The following TAS2R1 variants were observed in gnomAD, a reference collection of about 807,000 sequenced individuals.
The protein encoded by TAS2R1 is taste 2 receptor member 1, also known as taste receptor type 2 member 1.
For missense variants in TAS2R1, 370 were observed against 353.4 expected, an observed-to-expected ratio of 1.05 and a Z score of -0.38; for synonymous variants, 141 against 134.2, an observed-to-expected ratio of 1.05 and a Z score of -0.35.
At chr5:9,758,527 T>A in the TAS2R1 span, among the ~76,000 whole-genome samples, 2 of 152,260 alleles carry the variant, frequency 1.3e-5, no homozygotes, top group South Asian at 4.1e-4. Flanking sequence ...AAGAACTGTG[T>A]CTCTCACCCA....
chr5:9,633,086 G>C (rs1739897499), upstream of TAS2R1, among the ~76,000 whole-genome samples: 1 of 151,622 alleles, frequency 6.6e-6, no homozygotes, highest in Non-Finnish European at 1.5e-5. Flanking sequence ...GTTGTAAAAT[G>C]AATGTTGTAT....
chr5:9,813,846 G>A, the TAS2R1 span, among the ~76,000 whole-genome samples: 6 of 152,058 alleles, frequency 3.9e-5, no homozygotes, highest in African/African-American at 1.4e-4. Context: ...CTCCAGATTG[G>A]CTGGTCTCAT....
chr5:9,811,399 A>T, the TAS2R1 span, among the ~76,000 whole-genome samples: 1 of 152,278 alleles, frequency 6.6e-6, no homozygotes, highest in East Asian at 1.9e-4. Context: ...CCATACCCAT[A>T]AGCCTAAAGA....
At chr5:9,779,797 G>A in the TAS2R1 span, among the ~76,000 whole-genome samples, 2 of 152,166 alleles carry the variant, frequency 1.3e-5, no homozygotes, top group Admixed American at 1.3e-4. Flanking sequence ...AGTATATATT[G>A]CTGGGAAACA....
At chr5:9,830,593 ACACGTGCGCGCG>A in the TAS2R1 span, among the ~76,000 whole-genome samples, 1 of 114,506 alleles carries the variant, frequency 8.7e-6, no homozygotes, top group African/African-American at 3.1e-5. Flanking sequence ...AGGTAGATAG[ACACGTGCGCGCG>A]CACACACACA....
intron 2 of TAS2R1, among the ~76,000 whole-genome samples, chr5:9,644,218 T>C (rs371289034): frequency 1.3e-5 from 2 of 152,064 alleles, no homozygotes; most frequent in East Asian, 1.9e-4. Flanking sequence ...AAGAAAGGCA[T>C]TTACTCTGGA....
chr5:9,731,449 A>AGT, the TAS2R1 span, among the ~76,000 whole-genome samples: 1 of 147,764 alleles, frequency 6.8e-6, no homozygotes, highest in Non-Finnish European at 1.5e-5. Context: ...GGCCCCCTGG[A>AGT]GTCTGCCCCC....
At chr5:9,635,309 G>A (rs890977561), upstream of TAS2R1, among the ~76,000 whole-genome samples, 1 of 152,116 alleles carries the variant, frequency 6.6e-6, no homozygotes, top group Non-Finnish European at 1.5e-5. Flanking sequence ...CTTGATCATG[G>A]TGGATTATGT....
chr5:9,782,403 A>C, the TAS2R1 span, among the ~76,000 whole-genome samples: 1 of 151,040 alleles, frequency 6.6e-6, no homozygotes, highest in African/African-American at 2.4e-5. Flanking sequence ...TTTCCCCTTC[A>C]AAACCTGATG....
At chr5:9,847,585 A>G in the TAS2R1 span, among the ~76,000 whole-genome samples, 1 of 152,062 alleles carries the variant, frequency 6.6e-6, no homozygotes, top group Non-Finnish European at 1.5e-5. Flanking sequence ...ACAAAAATAT[A>G]CTCTCACCAG....
At chr5:9,776,164 G>A in the TAS2R1 span, among the ~76,000 whole-genome samples, 2 of 152,184 alleles carry the variant, frequency 1.3e-5, no homozygotes, top group Admixed American at 6.5e-5. Flanking sequence ...TGGTCTAACT[G>A]CTCCCTCTGT....
At chr5:9,822,586 T>C in the TAS2R1 span, among the ~76,000 whole-genome samples, 6 of 152,100 alleles carry the variant, frequency 3.9e-5, no homozygotes, top group Admixed American at 2.6e-4. Flanking sequence ...TCTGACCTCG[T>C]GATCCGCCCG....
chr5:9,667,893 G>A (rs190005786), intron 1 of TAS2R1, among the ~76,000 whole-genome samples: 5 of 152,238 alleles, frequency 3.3e-5, no homozygotes, highest in East Asian at 1.9e-4. Flanking sequence ...CCAAACAACC[G>A]CACTAGTTCC....
At chr5:9,722,852 C>A in the TAS2R1 span, among the ~76,000 whole-genome samples, 1 of 152,202 alleles carries the variant, frequency 6.6e-6, no homozygotes, top group Non-Finnish European at 1.5e-5. Context: ...CCAGATGAAG[C>A]CCTAGACGGC....
intron 2 of TAS2R1, among the ~76,000 whole-genome samples, chr5:9,648,874 GCT>G (rs1360530442): frequency 1.3e-5 from 2 of 152,096 alleles, no homozygotes; most frequent in Non-Finnish European, 2.9e-5. Context: ...CCTTCGAGAA[GCT>G]CTGTCTCCAA....
At chr5:9,742,039 G>A in the TAS2R1 span, among the ~76,000 whole-genome samples, 4 of 151,946 alleles carry the variant, frequency 2.6e-5, no homozygotes, top group Non-Finnish European at 5.9e-5. Context: ...GGGATTACAC[G>A]CATGCACCAC....
the TAS2R1 span, among the ~76,000 whole-genome samples, chr5:9,843,210 G>A: frequency 6.6e-6 from 1 of 152,158 alleles, no homozygotes; most frequent in African/African-American, 2.4e-5. Context: ...TGTGATTGAA[G>A]TTTTTGTTGC....
the TAS2R1 span, among the ~76,000 whole-genome samples, chr5:9,883,717 C>T: frequency 2.0e-5 from 3 of 151,900 alleles, no homozygotes; most frequent in Non-Finnish European, 4.4e-5. Context: ...GGGAGATCTT[C>T]TGGTTCTGGT....
intron 1 of TAS2R1, among the ~76,000 whole-genome samples, chr5:9,671,846 CAA>C (rs202221952): frequency 6.6e-6 from 1 of 151,622 alleles, no homozygotes; most frequent in Non-Finnish European, 1.5e-5. Context: ...CAATCCTAAG[CAA>C]AAAAAATAAT....
Sources: allele counts gnomAD v4.1 joint callset (sites outside exome capture counted in the v4.1 genomes callset), GRCh38; gene constraint gnomAD v4.1.1; transcripts MANE v1.5; gene names NCBI Gene and HGNC (gene_info 2026-07-23, HGNC 2026-07-21).